TMEM248: variants seen among roughly 807,000 people sequenced by gnomAD.
The protein encoded by TMEM248 is UPF0458 protein C7orf42.
TMEM248 carries 9 observed loss-of-function variants against 30.3 expected under a neutral mutation model. The ratio of observed to expected loss-of-function variants is 0.30; its 90% CI spans 0.18 to 0.52. The LOEUF (loss-of-function observed/expected upper bound fraction) is 0.52, where lower values mean the gene tolerates loss of function less well. Among genes scored for constraint, TMEM248 ranks in the 20% least tolerant of loss-of-function variants. The probability of loss-of-function intolerance (pLI) is 0.97; values close to 1 mark genes in which losing one functional copy is unlikely to be tolerated. For synonymous variants in TMEM248, 184 were observed against 154.4 expected (o/e 1.19, Z -1.42); for missense variants, 338 against 403.3 (o/e 0.84, Z 1.39).
rs1405845681 is a variant in TMEM248, at chr7:66,957,024, T to C, written c.*1502T>C. 1 of 152,670 alleles carries C rather than the reference T, an allele frequency of 6.6e-6. No individual in the cohort carries two copies. The highest frequency in any genetic ancestry group is 1.5e-5 in the Non-Finnish European group (1 of 68,048). 9.5% of individuals were successfully genotyped at this position (152,670 alleles called of 1,614,324 possible). A position where few individuals can be genotyped will look rare whatever the true frequency, so the allele number is the denominator to read the frequency against. ...TCTAGTCCCTGTTTCTTTTTCTTTC[T>C]AATCCTTATTCATTTAAGCAAAACC... On this transcript the variant is annotated 3_prime_UTR_variant, in exon 7 of 7. Coordinates refer to ENST00000341567, the MANE Select transcript of TMEM248 (RefSeq NM_017994.5).
At chr7:66,944,328 C>T (rs1389815121) in intron 2 of TMEM248, among the ~76,000 whole-genome samples, 1 of 152,044 alleles carries the variant, frequency 6.6e-6, no homozygotes, top group Non-Finnish European at 1.5e-5. Flanking sequence ...TGGTCTCGAA[C>T]TCCTGACCTC....
chr7:66,954,240 A>C (rs1023493408), intron 6 of TMEM248, among the ~76,000 whole-genome samples: 1 of 152,092 alleles, frequency 6.6e-6, no homozygotes, highest in Admixed American at 6.6e-5. Context: ...CACTGGGCCC[A>C]GCTTCTAGGT....
At chr7:66,929,911 A>C (rs1252258510) in intron 1 of TMEM248, among the ~76,000 whole-genome samples, 1 of 152,114 alleles carries the variant, frequency 6.6e-6, no homozygotes, top group Non-Finnish European at 1.5e-5. Flanking sequence ...CTGTAATCCC[A>C]GCATTTGGGA....
intron 1 of TMEM248, among the ~76,000 whole-genome samples, chr7:66,935,041 T>C (rs1285310369): frequency 6.6e-6 from 1 of 151,730 alleles, no homozygotes; most frequent in Non-Finnish European, 1.5e-5. Context: ...GGCGACAGAG[T>C]GAGACTCTTG....
chr7:66,924,066 A>G (rs923069815), intron 1 of TMEM248, among the ~76,000 whole-genome samples: 2 of 152,242 alleles, frequency 1.3e-5, no homozygotes, highest in South Asian at 2.1e-4. Context: ...AAGGACAATG[A>G]AAAAGATGCT....
chr7:66,951,415 C>A, intron 5 of TMEM248: 1 of 299,688 alleles, frequency 3.3e-6, no homozygotes, highest in Non-Finnish European at 6.1e-6. Context: ...GGGGGGGTTA[C>A]AAGGGATCCT....
Position 66,958,036 on chromosome 7 carries a change from G to T in TMEM248, c.*2514G>T, listed in dbSNP as rs571098056. ...GAGTCTCGGGAAGCCCAGGGGACCT[G>T]TCACCATCTGGGCACTTCCCAGGCT... is the stretch of plus-strand genomic sequence containing the variant. On this transcript the variant is annotated 3_prime_UTR_variant, in exon 7 of 7. Coordinates refer to ENST00000341567, the MANE Select transcript of TMEM248 (RefSeq NM_017994.5). The T allele has an allele frequency of 6.6e-6, 1 of 152,668 alleles. No homozygotes were observed. Among genetic ancestry groups the T allele is most frequent in the East Asian group, 1.9e-4 (1 of 5,170 alleles). The allele number at this position is 152,668 out of a possible 1,614,324, so 9.5% of individuals were successfully genotyped here.
chr7:66,946,210 C>T (rs10250124), intron 3 of TMEM248, among the ~76,000 whole-genome samples: 18,029 of 151,384 alleles, frequency 0.12, 1,258 homozygotes, highest in East Asian at 0.2. Context: ...TGCGGTGAGC[C>T]GAGATTGCAC....
chr7:66,932,337 C>T (rs553865087), intron 1 of TMEM248, among the ~76,000 whole-genome samples: 1 of 152,264 alleles, frequency 6.6e-6, no homozygotes, highest in East Asian at 1.9e-4. Context: ...TCCTGGCCAC[C>T]CTTAAGGAAC....
At chr7:66,952,088 T>C (rs898274987) in intron 5 of TMEM248, among the ~76,000 whole-genome samples, 1 of 152,084 alleles carries the variant, frequency 6.6e-6, no homozygotes, top group East Asian at 1.9e-4. Flanking sequence ...TATTTTAATT[T>C]TTTTTTATTT....
chr7:66,926,194 G>A (rs1334653302), intron 1 of TMEM248, among the ~76,000 whole-genome samples: 2 of 152,140 alleles, frequency 1.3e-5, no homozygotes, highest in Non-Finnish European at 2.9e-5. Flanking sequence ...ATCTGTTCGT[G>A]TCCCTTGCCC....
chr7:66,948,092 C>T (rs1241837351), intron 3 of TMEM248, among the ~76,000 whole-genome samples: 3 of 152,142 alleles, frequency 2.0e-5, no homozygotes, highest in Non-Finnish European at 4.4e-5. Context: ...CATCACTTGC[C>T]TTTCTTAACT....
Position 66,958,432 on chromosome 7 carries a change from A to G in TMEM248, c.*2910A>G, listed in dbSNP as rs1792452670. Reference sequence around the variant, plus strand: ...TGGGGTCCTGAGGGCCAGTGGGTCCATTTCACCTCTTGCTGCATGATGGTC... The same window carrying G: ...TGGGGTCCTGAGGGCCAGTGGGTCCGTTTCACCTCTTGCTGCATGATGGTC... On this transcript the variant is annotated 3_prime_UTR_variant, in exon 7 of 7. Transcript: ENST00000341567. The G allele has an allele frequency of 6.6e-6, 1 of 152,622 alleles. No homozygotes were observed. The highest frequency in any genetic ancestry group is 1.5e-5 in the Non-Finnish European group (1 of 68,112). The allele number at this position is 152,622 out of a possible 1,614,324, so 9.5% of individuals were successfully genotyped here. A position where few individuals can be genotyped will look rare whatever the true frequency, so the allele number is the denominator to read the frequency against.
intron 3 of TMEM248, among the ~76,000 whole-genome samples, chr7:66,947,214 CAAAAAAAAAA>C (rs565294304): frequency 5.1e-5 from 3 of 58,818 alleles, no homozygotes; most frequent in Admixed American, 2.0e-4. Context: ...GACCCTGTCT[CAAAAAAAAAA>C]AAAAAAAAAA....
intron 2 of TMEM248, among the ~76,000 whole-genome samples, chr7:66,944,478 G>C (rs1792043329): frequency 6.6e-6 from 1 of 152,300 alleles, no homozygotes; most frequent in East Asian, 1.9e-4. Flanking sequence ...TGTCCCAAAT[G>C]AGTATTAGTA....
intron 1 of TMEM248, among the ~76,000 whole-genome samples, chr7:66,928,202 T>C (rs1013237359): frequency 6.6e-6 from 1 of 151,868 alleles, no homozygotes; most frequent in Admixed American, 6.6e-5. Context: ...GTGATGAGAG[T>C]GAAACTCAGT....
chr7:66,950,540 C>A (rs898956970), intron 4 of TMEM248, among the ~76,000 whole-genome samples: 1 of 152,196 alleles, frequency 6.6e-6, no homozygotes, highest in Non-Finnish European at 1.5e-5. Context: ...TCAATTAAGC[C>A]TGTTTCCTTT....
intron 2 of TMEM248, among the ~76,000 whole-genome samples, chr7:66,944,297 G>A (rs1052779429): frequency 6.6e-6 from 1 of 150,776 alleles, no homozygotes. Context: ...TAGAGACGTG[G>A]TTTCACCATG....
intron 1 of TMEM248, among the ~76,000 whole-genome samples, chr7:66,924,005 C>G (rs556375006): frequency 4.1e-4 from 63 of 152,292 alleles, no homozygotes; most frequent in African/African-American, 1.5e-3. Flanking sequence ...ATGAGTTTGT[C>G]TTGTTCTGTA....
Sources: allele counts gnomAD v4.1 joint callset (sites outside exome capture counted in the v4.1 genomes callset), GRCh38; gene constraint gnomAD v4.1.1; transcripts MANE v1.5; gene names NCBI Gene and HGNC (gene_info 2026-07-23, HGNC 2026-07-21).